Variants in ST18 observed in about 807,000 individuals in gnomAD.
ST18 encodes ST18 C2H2C-type zinc finger transcription factor.
Under a neutral mutation model 110.0 loss-of-function variants are expected in ST18, and 50 were observed. The ratio of observed to expected loss-of-function variants is 0.45; its 90% CI spans 0.36 to 0.58. ST18 has a LOEUF of 0.58. Ranked by LOEUF, ST18 falls within the 20% of genes least tolerant of loss-of-function variation. The pLI, the probability that ST18 is intolerant of heterozygous loss-of-function variation, is 0.00. For synonymous variants in ST18, 461 were observed against 452.4 expected (o/e 1.02, Z -0.24); for missense variants, 1,306 against 1,280.1 (o/e 1.02, Z -0.31).
rs760363385 is a variant in ST18 at position 52,172,065 on chromosome 8, G to T, written c.796C>A (p.Pro266Thr). ...RKDPQNALAEPLDGNAQPSFP... is the reference protein window; with the variant it reads ...RKDPQNALAETLDGNAQPSFP... ...GAGGGCTGGGCATTGCCATCCAGGG[G>T]TTCTGCGAGAGCATTCTGCGGGTCT... Residue 266 changes from proline to threonine, a missense_variant, in exon 10 of 26, where the codon CCC becomes ACC. Pro to Thr is a conservative substitution (Grantham distance 38, BLOSUM62 -1). Transcript: ENST00000689386. 2.5e-6 allele frequency: 4 copies of T among 1,614,114 alleles called. No individual in the cohort carries two copies. Among genetic ancestry groups the T allele is most frequent in the East Asian group, 2.2e-5 (1 of 44,892 alleles).
intron 8 of ST18, among the ~76,000 whole-genome samples, chr8:52,211,733 T>C (rs2082239626): frequency 6.6e-6 from 1 of 152,198 alleles, no homozygotes; most frequent in Non-Finnish European, 1.5e-5. Flanking sequence ...GTCAGGTTCA[T>C]GGATAACAGC....
chr8:52,216,754 A>T (rs1159381217), intron 6 of ST18, among the ~76,000 whole-genome samples: 1 of 152,186 alleles, frequency 6.6e-6, no homozygotes, highest in Non-Finnish European at 1.5e-5. Context: ...AGTATTCTTC[A>T]TTTGGATTAT....
chr8:52,397,953 TA>T (rs551090863), intron 2 of ST18, among the ~76,000 whole-genome samples: 21 of 152,288 alleles, frequency 1.4e-4, no homozygotes, highest in South Asian at 6.2e-4. Flanking sequence ...ACACAAATTT[TA>T]GAGTTTTTTT....
intron 2 of ST18, among the ~76,000 whole-genome samples, chr8:52,342,496 T>C (rs1379862262): frequency 6.6e-6 from 1 of 152,232 alleles, no homozygotes; most frequent in Non-Finnish European, 1.5e-5. Context: ...ACGATGGAGA[T>C]GAGAACATGA....
At chr8:52,365,110 T>C (rs1827318604) in intron 2 of ST18, among the ~76,000 whole-genome samples, 1 of 7,342 alleles carries the variant, frequency 1.4e-4, no homozygotes, top group East Asian at 9.1e-3. Context: ...CGAGACTCTG[T>C]CTTAAAAAAA....
chr8:52,359,277 A>T (rs958092418), intron 2 of ST18, among the ~76,000 whole-genome samples: 1 of 152,098 alleles, frequency 6.6e-6, no homozygotes, highest in African/African-American at 2.4e-5. Flanking sequence ...TAGAGGTGAT[A>T]GATACACGAC....
intron 2 of ST18, among the ~76,000 whole-genome samples, chr8:52,250,326 G>A (rs2094189751): frequency 6.6e-6 from 1 of 151,430 alleles, no homozygotes; most frequent in Non-Finnish European, 1.5e-5. Flanking sequence ...ATCTCCTTTT[G>A]CCTGTGCTCT....
intron 2 of ST18, among the ~76,000 whole-genome samples, chr8:52,272,880 T>C (rs2095121421): frequency 1.3e-5 from 2 of 152,124 alleles, no homozygotes; most frequent in South Asian, 4.1e-4. Flanking sequence ...TAGAATCAAA[T>C]AATAAGATGG....
chr8:52,212,650 G>C (rs1220448243), intron 7 of ST18, among the ~76,000 whole-genome samples: 1 of 152,090 alleles, frequency 6.6e-6, no homozygotes, highest in East Asian at 1.9e-4. Flanking sequence ...TGATTTTTCT[G>C]ACTGAAATGA....
intron 2 of ST18, among the ~76,000 whole-genome samples, chr8:52,378,541 C>T (rs1833281152): frequency 6.6e-6 from 1 of 152,100 alleles, no homozygotes; most frequent in Admixed American, 6.5e-5. Flanking sequence ...GTGTCATTTT[C>T]CTAGTTTAGC....
chr8:52,282,375 A>T (rs1564406370), intron 2 of ST18, among the ~76,000 whole-genome samples: 1 of 152,226 alleles, frequency 6.6e-6, no homozygotes, highest in Non-Finnish European at 1.5e-5. Flanking sequence ...GTAAATGTTG[A>T]TTCAACATTA....
intron 2 of ST18, among the ~76,000 whole-genome samples, chr8:52,336,955 G>A (rs10441582): frequency 0.023 from 3,572 of 152,166 alleles, 130 homozygotes; most frequent in African/African-American, 0.079. Flanking sequence ...TTTTTTCTAT[G>A]CTTAAAATAA....
intron 2 of ST18, among the ~76,000 whole-genome samples, chr8:52,315,479 C>G (rs985278016): frequency 6.6e-6 from 1 of 152,180 alleles, no homozygotes; most frequent in Non-Finnish European, 1.5e-5. Context: ...AAAATTGTAG[C>G]CCCACTTATC....
rs113129218 is a variant in ST18, at chr8:52,126,786, G to A, written c.2667-646C>T. On this transcript the variant is annotated intron_variant, in intron 22 of 25. Coordinates refer to ENST00000689386, the MANE Select transcript of ST18 (RefSeq NM_001352837.2). ...TGTATTCAGATGCAATCACTGCAGA[G>A]GCAGTCTATTACATTGCAGTGGTGT... Among the ~76,000 whole-genome samples, 869 of 152,318 alleles carry A rather than the reference G, an allele frequency of 5.7e-3. 6 individuals are homozygous for A. The highest frequency in any genetic ancestry group is 0.013 in the African/African-American group (521 of 41,564).
At chr8:52,270,733 G>A (rs1477999828) in intron 2 of ST18, among the ~76,000 whole-genome samples, 1 of 152,014 alleles carries the variant, frequency 6.6e-6, no homozygotes, top group Admixed American at 6.5e-5. Flanking sequence ...GTGGTGCAGG[G>A]GTAAGGGATG....
rs1280211996 is a variant in ST18, at chr8:52,158,995, G to C, written c.1709C>G (p.Thr570Ser). Residue 570 changes from threonine to serine, a missense_variant, in exon 15 of 26, where the codon ACC becomes AGC. Transcript: ENST00000689386. ...GATGGCAGCAGCTGCTGCTATGTGG[G>C]TGTCTTCACTACATTGACCGTAGCT... ...SYSYGQCSED[T>S]HIAAAAAILN... The C allele has an allele frequency of 1.4e-5, 23 of 1,613,984 alleles. No homozygotes were observed. Among genetic ancestry groups the C allele is most frequent in the Non-Finnish European group, 1.9e-5 (23 of 1,179,974 alleles).
intron 2 of ST18, among the ~76,000 whole-genome samples, chr8:52,352,589 AATATAGAC>A (rs1820865870): frequency 6.6e-6 from 1 of 152,186 alleles, no homozygotes; most frequent in African/African-American, 2.4e-5. Context: ...TTTCCAGGTG[AATATAGAC>A]ATAAGGTGTG....
intron 22 of ST18, among the ~76,000 whole-genome samples, chr8:52,130,164 A>AAAGAAAGAAAGAG (rs1563565042): frequency 4.1e-5 from 5 of 122,832 alleles, no homozygotes; most frequent in African/African-American, 1.6e-4. Flanking sequence ...AGAAAGAAAG[A>AAAGAAAGAAAGAG]AAAAGAAAAG....
chr8:52,224,365 C>G (rs183081603), intron 3 of ST18, among the ~76,000 whole-genome samples: 1 of 152,274 alleles, frequency 6.6e-6, no homozygotes, highest in Admixed American at 6.5e-5. Context: ...ATTATGTAAG[C>G]CTTTTGCCAC....
Sources: allele counts gnomAD v4.1 joint callset (sites outside exome capture counted in the v4.1 genomes callset), GRCh38; gene constraint gnomAD v4.1.1; transcripts MANE v1.5; gene names NCBI Gene and HGNC (gene_info 2026-07-23, HGNC 2026-07-21).